Variants in CD109 observed in about 807,000 individuals in gnomAD.
CD109 encodes CD109 antigen.
Under a neutral mutation model 165.8 loss-of-function variants are expected in CD109, and 149 were observed. The observed-to-expected ratio is 0.90, with a 90% CI of 0.79 to 1.03. The LOEUF (loss-of-function observed/expected upper bound fraction) is 1.03. CD109 is among the 50% of genes least tolerant of loss of function. The pLI is 0.00. For missense variants in CD109, 1,712 were observed against 1,677.8 expected, an observed-to-expected ratio of 1.02 and a Z score of -0.36; for synonymous variants, 585 against 592.1, an observed-to-expected ratio of 0.99 and a Z score of 0.18.
At chr6:73,689,509 T>C in the CD109 span, among the ~76,000 whole-genome samples, 7 of 152,230 alleles carry the variant, frequency 4.6e-5, no homozygotes, top group Admixed American at 2.0e-4. Flanking sequence ...GTGTGTTATA[T>C]TGAGTGTATA....
At position 73,780,742 on chromosome 6, in the gene CD109, T is replaced by C; in HGVS notation, c.1902+244T>C. ...AAACAAATAATTTTTCCTTTATGTA[T>C]ATGTATTTCCATATAAATATATTTT... is the stretch of plus-strand genomic sequence containing the variant. On this transcript the variant is annotated intron_variant, in intron 16 of 32. Transcript: ENST00000287097. Among the ~76,000 whole-genome samples, 2 of 54,448 alleles carry C rather than the reference T, an allele frequency of 3.7e-5. 1 individual carries two copies. The highest frequency in any genetic ancestry group is 1.8e-4 in the African/African-American group (2 of 11,038). 35.7% of individuals were successfully genotyped at this position (54,448 alleles called of 152,430 possible). A position where few individuals can be genotyped will look rare whatever the true frequency, so the allele number is the denominator to read the frequency against.
At chr6:73,729,981 G>A (rs1419193775) in intron 3 of CD109, among the ~76,000 whole-genome samples, 1 of 152,196 alleles carries the variant, frequency 6.6e-6, no homozygotes, top group Non-Finnish European at 1.5e-5. Context: ...TCAGCTGACT[G>A]CCTCAAATAG....
At chr6:73,754,845 A>T (rs555377761) in intron 5 of CD109, among the ~76,000 whole-genome samples, 1 of 152,210 alleles carries the variant, frequency 6.6e-6, no homozygotes. Flanking sequence ...AACACAGTGC[A>T]TGAAACCCCA....
intron 6 of CD109, among the ~76,000 whole-genome samples, 190 bp from the exon 7 acceptor site, chr6:73,758,754 C>T: frequency 6.6e-6 from 1 of 152,144 alleles, no homozygotes; most frequent in African/African-American, 2.4e-5. Flanking sequence ...GGCTTTTCAT[C>T]TGTCTTAATA....
chr6:73,816,677 C>A (rs2150308123), intron 30 of CD109, among the ~76,000 whole-genome samples: 1 of 152,312 alleles, frequency 6.6e-6, no homozygotes, highest in Non-Finnish European at 1.5e-5. Context: ...AAGATGCAAG[C>A]TCTGCCTTGT....
intron 5 of CD109, among the ~76,000 whole-genome samples, chr6:73,748,744 A>G (rs1211612382): frequency 6.6e-6 from 1 of 152,220 alleles, no homozygotes; most frequent in Non-Finnish European, 1.5e-5. Context: ...GTTGAACCCC[A>G]TAGAGAAATA....
rs1562071064 is a variant in CD109, at chr6:73,791,184, C to CATATATATATATAT, written c.2702-1441_2702-1440insTATATATATATATA. On this transcript the variant is annotated intron_variant, in intron 22 of 32. Coordinates refer to ENST00000287097, the MANE Select transcript of CD109 (RefSeq NM_133493.5). ...ATATATATATATATATATACACACA[C>CATATATATATATAT]ACACATACATATATATATATATATA... Among the ~76,000 whole-genome samples the CATATATATATATAT allele has an allele frequency of 1.8e-4, 9 of 50,876 alleles. No individual in the cohort carries two copies. The East Asian group carries it at 2.2e-3, about 13-fold the overall frequency. The allele number at this position is 50,876 out of a possible 152,430, so 33.4% of individuals were successfully genotyped here.
chr6:73,738,943 T>C (rs535629061), intron 5 of CD109, among the ~76,000 whole-genome samples: 74 of 152,344 alleles, frequency 4.9e-4, no homozygotes, highest in African/African-American at 1.8e-3. Flanking sequence ...TACTGTGTGC[T>C]TCCCTTAATT....
chr6:73,781,378 T>C (rs1261397410), intron 17 of CD109, 59 bp downstream of exon 17: 1 of 1,330,318 alleles, frequency 7.5e-7, no homozygotes. Context: ...CAACATTACT[T>C]ATATAGGTAT....
intron 7 of CD109, among the ~76,000 whole-genome samples, chr6:73,761,304 A>G (rs74564961): frequency 0.023 from 3,465 of 152,188 alleles, 69 homozygotes; most frequent in East Asian, 0.07. Context: ...CATTCAGTTA[A>G]TGGGCCAGTC....
intron 24 of CD109, among the ~76,000 whole-genome samples, chr6:73,804,657 C>T (rs1775501368): frequency 6.6e-6 from 1 of 152,194 alleles, no homozygotes; most frequent in Non-Finnish European, 1.5e-5. Flanking sequence ...GGCTAACTCC[C>T]ATTCTATAGG....
intron 2 of CD109, among the ~76,000 whole-genome samples, chr6:73,699,000 A>G (rs1327276495): frequency 6.6e-6 from 1 of 152,238 alleles, no homozygotes; most frequent in Non-Finnish European, 1.5e-5. Context: ...AATTGCTAAT[A>G]TTATTAGTGT....
At chr6:73,766,691 C>A in intron 11 of CD109, 68 bp from the exon 12 acceptor site, 2 of 1,099,690 alleles carry the variant, frequency 1.8e-6, no homozygotes, top group Non-Finnish European at 2.7e-6. Flanking sequence ...AATTGTTCAG[C>A]AGGTAACATC....
chr6:73,807,571 G>A (rs1214588817), intron 25 of CD109, among the ~76,000 whole-genome samples: 1 of 152,102 alleles, frequency 6.6e-6, no homozygotes, highest in African/African-American at 2.4e-5. Context: ...GTATGCTGAC[G>A]AGCTTAAGTT....
intron 15 of CD109, among the ~76,000 whole-genome samples, chr6:73,777,405 T>C (rs1019463484): frequency 6.6e-5 from 10 of 152,222 alleles, no homozygotes; most frequent in African/African-American, 2.4e-5. Context: ...ATAGTTTCTT[T>C]CACTGTGCAG....
At chr6:73,790,085 C>T (rs1430822400) in intron 22 of CD109, among the ~76,000 whole-genome samples, 6 of 143,162 alleles carry the variant, frequency 4.2e-5, no homozygotes, top group Non-Finnish European at 7.6e-5. Flanking sequence ...ACTATATTTA[C>T]CATGCTAAAA....
intron 5 of CD109, among the ~76,000 whole-genome samples, chr6:73,737,487 T>C (rs1772592054): frequency 6.6e-6 from 1 of 152,174 alleles, no homozygotes; most frequent in Admixed American, 6.5e-5. Context: ...TATGATGTGG[T>C]TTTAAAGAAC....
intron 5 of CD109, among the ~76,000 whole-genome samples, chr6:73,751,968 G>A (rs980503560): frequency 3.9e-4 from 60 of 152,178 alleles, no homozygotes; most frequent in African/African-American, 1.4e-3. Flanking sequence ...TTGTCTTGGG[G>A]GCTAAACGCA....
chr6:73,805,344 A>C (rs141542860), intron 24 of CD109, among the ~76,000 whole-genome samples: 5,840 of 152,262 alleles, frequency 0.038, 467 homozygotes, highest in East Asian at 0.3. Context: ...TTAGATATGC[A>C]TACACATAAA....
Sources: allele counts gnomAD v4.1 joint callset (sites outside exome capture counted in the v4.1 genomes callset), GRCh38; gene constraint gnomAD v4.1.1; transcripts MANE v1.5; gene names NCBI Gene and HGNC (gene_info 2026-07-23, HGNC 2026-07-21).